HHAT: variants seen among roughly 807,000 people sequenced by gnomAD.
HHAT encodes protein-cysteine N-palmitoyltransferase HHAT.
In HHAT, 47 loss-of-function variants were observed where a neutral mutation model predicts 70.8. The ratio of observed to expected loss-of-function variants is 0.66; its 90% CI spans 0.53 to 0.85. The LOEUF is 0.85. Among genes scored for constraint, HHAT ranks in the 40% least tolerant of loss-of-function variants. The pLI is 0.00. For synonymous variants in HHAT, 228 were observed against 247.6 expected, an observed-to-expected ratio of 0.92 and a Z score of 0.74; for missense variants, 609 against 604.8, an observed-to-expected ratio of 1.01 and a Z score of -0.07.
intron 11 of HHAT, among the ~76,000 whole-genome samples, chr1:210,673,734 G>A (rs1004759235): frequency 6.6e-6 from 1 of 151,244 alleles, no homozygotes; most frequent in Non-Finnish European, 1.5e-5. Flanking sequence ...TAGGACTACA[G>A]AAACATGCCA....
chr1:210,374,200 T>G (rs142839071), intron 3 of HHAT: 2 of 152,220 alleles, frequency 1.3e-5, no homozygotes, highest in African/African-American at 2.4e-5. Flanking sequence ...TATAACTGAT[T>G]TGTTTCTCTC....
At chr1:210,586,439 CTA>C (rs1220790737) in intron 9 of HHAT, among the ~76,000 whole-genome samples, 1 of 152,092 alleles carries the variant, frequency 6.6e-6, no homozygotes, top group Non-Finnish European at 1.5e-5. Context: ...GATGCTATCT[CTA>C]AAAATAAAAT....
chr1:210,423,876 C>G (rs1206035494), intron 7 of HHAT, among the ~76,000 whole-genome samples: 1 of 152,090 alleles, frequency 6.6e-6, no homozygotes, highest in East Asian at 1.9e-4. Flanking sequence ...TCTGGATTCT[C>G]TATTCTTTTA....
chr1:210,555,350 C>T (rs2095562699), intron 9 of HHAT, among the ~76,000 whole-genome samples: 1 of 152,222 alleles, frequency 6.6e-6, no homozygotes. Context: ...AGAACCCCTT[C>T]TCTGCAAGCT....
chr1:210,371,233 C>A (rs1300843637), intron 3 of HHAT, among the ~76,000 whole-genome samples: 1 of 152,156 alleles, frequency 6.6e-6, no homozygotes, highest in Non-Finnish European at 1.5e-5. Context: ...TTCACTGTAA[C>A]CTCTGCCTCC....
At chr1:210,368,912 T>C (rs1473361061) in intron 3 of HHAT, among the ~76,000 whole-genome samples, 1 of 152,074 alleles carries the variant, frequency 6.6e-6, no homozygotes, top group Non-Finnish European at 1.5e-5. Flanking sequence ...ACTCCGTCTC[T>C]ACTAAAAATA....
At position 210,506,831 on chromosome 1, in the gene HHAT, A is replaced by G. The variant is rs187383837; in HGVS notation, c.1008-6322A>G. Among the ~76,000 whole-genome samples the G allele has an allele frequency of 2.0e-3, 305 of 152,298 alleles. 8 individuals carry two copies. The highest frequency in any genetic ancestry group is 0.019 in the Admixed American group (286 of 15,296). On this transcript the variant is annotated intron_variant, in intron 8 of 11. Coordinates refer to ENST00000261458, the MANE Select transcript of HHAT (RefSeq NM_018194.6). ...AGGCCTATCATTCACACATTGCTTCACTCAACGACATTTATTGCTTTCCGG... is the reference window on the plus strand; with the variant it reads ...AGGCCTATCATTCACACATTGCTTCGCTCAACGACATTTATTGCTTTCCGG...
intron 4 of HHAT, among the ~76,000 whole-genome samples, chr1:210,391,865 G>A (rs2091479906): frequency 6.6e-6 from 1 of 151,930 alleles, no homozygotes; most frequent in Non-Finnish European, 1.5e-5. Flanking sequence ...CCAGTGCTAT[G>A]TGATTTTTTT....
At chr1:210,409,626 G>A (rs1338874606) in intron 6 of HHAT, among the ~76,000 whole-genome samples, 1 of 152,148 alleles carries the variant, frequency 6.6e-6, no homozygotes, top group Non-Finnish European at 1.5e-5. Flanking sequence ...GGCCCAGGTG[G>A]CCCAGTTGAA....
intron 10 of HHAT, among the ~76,000 whole-genome samples, chr1:210,605,186 C>T (rs1334347144): frequency 2.0e-5 from 3 of 152,262 alleles, no homozygotes; most frequent in African/African-American, 4.8e-5. Context: ...CTGTAGCAAA[C>T]CTCCAGGGTA....
At chr1:210,525,836 A>G (rs911336165) in intron 9 of HHAT, among the ~76,000 whole-genome samples, 4 of 152,200 alleles carry the variant, frequency 2.6e-5, no homozygotes, top group African/African-American at 9.6e-5. Context: ...TGAGTCAGCG[A>G]TGTTGCTTAG....
At chr1:210,609,771 T>G (rs1430817480) in intron 10 of HHAT, among the ~76,000 whole-genome samples, 3 of 152,234 alleles carry the variant, frequency 2.0e-5, no homozygotes, top group Non-Finnish European at 4.4e-5. Context: ...TGCTTGGTTT[T>G]CTGTTCCTGC....
At chr1:210,386,836 A>T (rs6690120) in intron 3 of HHAT, among the ~76,000 whole-genome samples, 32,312 of 152,066 alleles carry the variant, frequency 0.21, 3,821 homozygotes, top group African/African-American at 0.32. Flanking sequence ...ACTGATGCAG[A>T]CACAGAATGC....
chr1:210,608,133 T>C (rs1665885232), intron 10 of HHAT, among the ~76,000 whole-genome samples: 1 of 152,198 alleles, frequency 6.6e-6, no homozygotes, highest in African/African-American at 2.4e-5. Flanking sequence ...ATAATGCATC[T>C]GCAGTGAAGA....
At chr1:210,375,536 G>C (rs2090119167) in intron 3 of HHAT, among the ~76,000 whole-genome samples, 1 of 152,002 alleles carries the variant, frequency 6.6e-6, no homozygotes, top group Non-Finnish European at 1.5e-5. Flanking sequence ...GGACAGTCCA[G>C]AGTTGGGTCT....
At chr1:210,362,003 G>T (rs2088376132) in intron 2 of HHAT, among the ~76,000 whole-genome samples, 1 of 147,386 alleles carries the variant, frequency 6.8e-6, no homozygotes, top group Non-Finnish European at 1.5e-5. Flanking sequence ...GAAGACAAAA[G>T]CCACGCCAGT....
At chr1:210,587,846 G>C in intron 9 of HHAT, 52 bp from the exon 10 acceptor site, 1 of 1,349,294 alleles carries the variant, frequency 7.4e-7, no homozygotes. Context: ...GGAGCAGATA[G>C]AGTTGCAGGG....
At chr1:210,435,741 T>C (rs1455898048) in intron 7 of HHAT, among the ~76,000 whole-genome samples, 1 of 151,958 alleles carries the variant, frequency 6.6e-6, no homozygotes, top group Non-Finnish European at 1.5e-5. Context: ...TTTTCGTATA[T>C]TTTTTGGCCA....
At chr1:210,417,722 C>T (rs1267130231) in intron 6 of HHAT, among the ~76,000 whole-genome samples, 2 of 152,170 alleles carry the variant, frequency 1.3e-5, no homozygotes, top group African/African-American at 2.4e-5. Context: ...AGTCCTGTGT[C>T]TCTTGTTGAC....
Sources: allele counts gnomAD v4.1 joint callset (sites outside exome capture counted in the v4.1 genomes callset), GRCh38; gene constraint gnomAD v4.1.1; transcripts MANE v1.5; gene names NCBI Gene and HGNC (gene_info 2026-07-23, HGNC 2026-07-21).